The following DIRAS2 variants were observed in gnomAD, a reference collection of about 807,000 sequenced individuals.
The protein encoded by DIRAS2 is GTP-binding protein Di-Ras2.
In DIRAS2, 5 loss-of-function variants were observed where a neutral mutation model predicts 13.9. That is an observed-to-expected ratio of 0.36 (90% CI 0.19 to 0.76). DIRAS2 has a LOEUF of 0.76. DIRAS2 is among the 30% of genes least tolerant of loss of function. The pLI, the probability that DIRAS2 is intolerant of heterozygous loss-of-function variation, is 0.53. For synonymous variants in DIRAS2, 111 were observed against 105.4 expected (o/e 1.05, Z -0.33); for missense variants, 191 against 263.0 (o/e 0.73, Z 1.89).
rs541320226 is a variant in DIRAS2, at chr9:90,611,294, C to T, written c.*1934G>A. Reference sequence around the variant, plus strand: ...GGGGGCCACGGGACTGGCCCAAATGCTCTTCACCCCCAGCTGGCTCCCACG... The same window carrying T: ...GGGGGCCACGGGACTGGCCCAAATGTTCTTCACCCCCAGCTGGCTCCCACG... On this transcript the variant is annotated 3_prime_UTR_variant, in exon 2 of 2. Coordinates refer to ENST00000375765, the MANE Select transcript of DIRAS2 (RefSeq NM_017594.5). The T allele has an allele frequency of 1.4e-4, 22 of 152,378 alleles. No individual in the cohort carries two copies. Among genetic ancestry groups the T allele is most frequent in the African/African-American group, 5.3e-4 (22 of 41,568 alleles). The allele number at this position is 152,378 out of a possible 1,614,324, so 9.4% of individuals were successfully genotyped here.
In DIRAS2 at chr9:90,613,724, C is replaced by A; in HGVS notation, c.104G>T (p.Ser35Ile). 6.2e-7 allele frequency: 1 copy of A among 1,614,132 alleles called. No homozygotes were observed. The change falls in exon 2 of 2, where the codon AGC becomes ATC. Residue 35 changes from serine to isoleucine, a missense_variant. Ser to Ile is a moderately radical substitution (Grantham distance 142). Coordinates refer to ENST00000375765, the MANE Select transcript of DIRAS2 (RefSeq NM_017594.5). This position sits in a 1 kb window ranked among gnomAD's most constrained non-coding sequence, Gnocchi z 5.6. ...LRFVKGTFRE[S>I]YIPTVEDTYR... ...GGTGTCTTCCACCGTCGGGATGTAG[C>A]TCTCCCGGAATGTGCCTTTCACAAA... is the stretch of plus-strand genomic sequence containing the variant.
chr9:90,630,622 T>C (rs925746904), intron 1 of DIRAS2, among the ~76,000 whole-genome samples: 4 of 152,260 alleles, frequency 2.6e-5, no homozygotes, highest in African/African-American at 7.2e-5. Context: ...GTTTGCTAGT[T>C]ACTCTGTAGC....
At chr9:90,641,376 C>T (rs745614484) in intron 1 of DIRAS2, among the ~76,000 whole-genome samples, 30 of 152,112 alleles carry the variant, frequency 2.0e-4, no homozygotes, top group Admixed American at 9.8e-4. Flanking sequence ...CAGCAATACC[C>T]CCTCCTTTCT....
intron 1 of DIRAS2, among the ~76,000 whole-genome samples, chr9:90,639,578 C>T (rs1227713603): frequency 6.6e-6 from 1 of 151,898 alleles, no homozygotes; most frequent in Non-Finnish European, 1.5e-5. Context: ...GAAGCAAACC[C>T]GGGGGGGCAG....
At chr9:90,615,184 T>C (rs1176850861) in intron 1 of DIRAS2, among the ~76,000 whole-genome samples, 2 of 152,172 alleles carry the variant, frequency 1.3e-5, no homozygotes, top group African/African-American at 4.8e-5. Context: ...TAACTACCAA[T>C]GGAAGGAAAT....
At chr9:90,636,913 A>T (rs1299636107) in intron 1 of DIRAS2, among the ~76,000 whole-genome samples, 1 of 152,214 alleles carries the variant, frequency 6.6e-6, no homozygotes, top group African/African-American at 2.4e-5. Flanking sequence ...ACTGTATACC[A>T]TAGCTTAGCC....
At chr9:90,635,456 A>G (rs1825361679) in intron 1 of DIRAS2, among the ~76,000 whole-genome samples, 1 of 152,264 alleles carries the variant, frequency 6.6e-6, no homozygotes, top group Non-Finnish European at 1.5e-5. Context: ...AAATGCAATG[A>G]TAATGTTAGG....
intron 1 of DIRAS2, among the ~76,000 whole-genome samples, chr9:90,623,085 T>C (rs1227866765): frequency 6.6e-6 from 1 of 152,244 alleles, no homozygotes; most frequent in Non-Finnish European, 1.5e-5. Flanking sequence ...TGTGATACCA[T>C]GCTGAATTTC....
chr9:90,613,921 AAGG>A lies in DIRAS2; in HGVS notation c.-36-61_-36-59del, dbSNP rs1000821633. The A allele has an allele frequency of 5.6e-5, 80 of 1,435,994 alleles. No homozygotes were observed. Among genetic ancestry groups the A allele is most frequent in the African/African-American group, 1.4e-5 (1 of 68,976 alleles). 89.0% of individuals were successfully genotyped at this position (1,435,994 alleles called of 1,614,324 possible). A position where few individuals can be genotyped will look rare whatever the true frequency, so the allele number is the denominator to read the frequency against. ...ATAATTAAAATATAAAAACATTAAT[AAGG>A]ATAGCTCTACCCTCTTTTGATAGCT... On this transcript the variant is annotated intron_variant, in intron 1 of 1. Transcript: ENST00000375765. The surrounding 1 kb of genome is among the most constrained non-coding windows in gnomAD (Gnocchi z 5.6).
chr9:90,623,007 A>T (rs1413790747), intron 1 of DIRAS2, among the ~76,000 whole-genome samples: 1 of 152,116 alleles, frequency 6.6e-6, no homozygotes, highest in Admixed American at 6.5e-5. Flanking sequence ...AGCATCTTCT[A>T]TTTTTAATAA....
At chr9:90,623,731 T>C (rs1299703141) in intron 1 of DIRAS2, among the ~76,000 whole-genome samples, 1 of 152,108 alleles carries the variant, frequency 6.6e-6, no homozygotes. Flanking sequence ...TACCCTAAAT[T>C]AATCCTGCTT....
intron 1 of DIRAS2, among the ~76,000 whole-genome samples, chr9:90,618,652 G>T (rs141837484): frequency 1.5e-4 from 23 of 152,204 alleles, no homozygotes; most frequent in African/African-American, 5.3e-4. Flanking sequence ...TCTGATAAGG[G>T]ACTAGTTCTG....
Position 90,610,304 on chromosome 9 carries a change from A to T in DIRAS2, c.*2924T>A. Reference sequence around the variant, plus strand: ...AGATATGTACAATTTATGACTTTATACTTCAAAAATGCAGGAAGATAAATT... The same window carrying T: ...AGATATGTACAATTTATGACTTTATTCTTCAAAAATGCAGGAAGATAAATT... On this transcript the variant is annotated 3_prime_UTR_variant, in exon 2 of 2. Transcript: ENST00000375765. The T allele has an allele frequency of 2.5e-6, 1 of 398,006 alleles. No individual in the cohort carries two copies. Among genetic ancestry groups the T allele is most frequent in the Non-Finnish European group, 4.4e-6 (1 of 225,798 alleles). 24.7% of individuals were successfully genotyped at this position (398,006 alleles called of 1,614,324 possible).
intron 1 of DIRAS2, among the ~76,000 whole-genome samples, chr9:90,641,072 G>A (rs1436939234): frequency 6.6e-6 from 1 of 152,076 alleles, no homozygotes; most frequent in Non-Finnish European, 1.5e-5. Context: ...CATGTGTGGT[G>A]TATAGGATAC....
In DIRAS2 at chr9:90,613,411, C is replaced by T; in HGVS notation, c.417G>A (p.Leu139=). ...REVQSSEAEA[L]ARTWKCAFME... Reference sequence around the variant, plus strand: ...TGAAGGCACACTTCCATGTGCGGGCCAAGGCCTCCGCCTCGCTGCTCTGCA... The same window carrying T: ...TGAAGGCACACTTCCATGTGCGGGCTAAGGCCTCCGCCTCGCTGCTCTGCA... The change falls in exon 2 of 2, where the codon TTG becomes TTA. Residue 139 remains leucine (L), a synonymous_variant. Coordinates refer to ENST00000375765, the MANE Select transcript of DIRAS2 (RefSeq NM_017594.5). This position sits in a 1 kb window ranked among gnomAD's most constrained non-coding sequence, Gnocchi z 5.6. The T allele has an allele frequency of 6.2e-7, 1 of 1,614,168 alleles. No individual in the cohort carries two copies. The highest frequency in any genetic ancestry group is 8.5e-7 in the Non-Finnish European group (1 of 1,180,034).
intron 1 of DIRAS2, among the ~76,000 whole-genome samples, chr9:90,621,405 G>C (rs952194531): frequency 1.3e-5 from 2 of 152,094 alleles, no homozygotes; most frequent in African/African-American, 4.8e-5. Flanking sequence ...TCAAGGAGGG[G>C]AGGAAAGAGA....
At chr9:90,621,659 C>G (rs1054274300) in intron 1 of DIRAS2, among the ~76,000 whole-genome samples, 1 of 152,314 alleles carries the variant, frequency 6.6e-6, no homozygotes, top group South Asian at 2.1e-4. Context: ...CCCAGTTTCT[C>G]TTTTCAGAAA....
chr9:90,622,665 C>A (rs1825230741), intron 1 of DIRAS2, among the ~76,000 whole-genome samples: 1 of 152,138 alleles, frequency 6.6e-6, no homozygotes, highest in South Asian at 2.1e-4. Flanking sequence ...GACGTTATTT[C>A]ATTTTTAAGT....
chr9:90,613,408 G>C lies in DIRAS2; in HGVS notation c.420C>G (p.Ala140=), dbSNP rs1300178144. The change falls in exon 2 of 2, where the codon GCC becomes GCG. Residue 140 remains alanine, a synonymous_variant. Coordinates refer to ENST00000375765, the MANE Select transcript of DIRAS2 (RefSeq NM_017594.5). The surrounding 1 kb of genome is among the most constrained non-coding windows in gnomAD (Gnocchi z 5.6). ...CCATGAAGGCACACTTCCATGTGCG[G>C]GCCAAGGCCTCCGCCTCGCTGCTCT... The part of the protein sequence containing the change: ...EVQSSEAEAL[A]RTWKCAFMET... 2 of 1,614,110 alleles carry C rather than the reference G, an allele frequency of 1.2e-6. No homozygotes were observed. Among genetic ancestry groups the C allele is most frequent in the East Asian group, 2.2e-5 (1 of 44,870 alleles).
Sources: allele counts gnomAD v4.1 joint callset (sites outside exome capture counted in the v4.1 genomes callset), GRCh38; gene constraint gnomAD v4.1.1; non-coding constraint Gnocchi (gnomAD v3.1); transcripts MANE v1.5; gene names NCBI Gene and HGNC (gene_info 2026-07-23, HGNC 2026-07-21).